The following SREBF2 variants were observed in gnomAD, a reference collection of about 807,000 sequenced individuals.
SREBF2 encodes sterol regulatory element binding transcription factor 2, also known as sterol regulatory element-binding protein 2.
Under a neutral mutation model 113.1 loss-of-function variants are expected in SREBF2, and 55 were observed. The observed-to-expected ratio is 0.49, with a 90% CI of 0.39 to 0.61. SREBF2 has a LOEUF of 0.61. Among genes scored for constraint, SREBF2 ranks in the 20% least tolerant of loss-of-function variants. The pLI, the probability that SREBF2 is intolerant of heterozygous loss-of-function variation, is 0.00. For missense variants in SREBF2, 1,349 were observed against 1,487.4 expected (o/e 0.91, Z 1.53); for synonymous variants, 593 against 605.7 (o/e 0.98, Z 0.31).
intron 13 of SREBF2, among the ~76,000 whole-genome samples, chr22:41,896,098 G>T (rs1212115146): frequency 6.6e-6 from 1 of 150,946 alleles, no homozygotes; most frequent in Non-Finnish European, 1.5e-5. Context: ...CCAAGATTGC[G>T]CCACTGCACT....
At chr22:41,903,712 G>A (rs890639513) in intron 17 of SREBF2, among the ~76,000 whole-genome samples, 3 of 152,200 alleles carry the variant, frequency 2.0e-5, no homozygotes, top group Middle Eastern at 3.4e-3. Flanking sequence ...ATTTGTACCT[G>A]TATTTTTTTC....
At chr22:41,885,644 C>T (rs1244417372) in intron 11 of SREBF2, 1 of 161,274 alleles carries the variant, frequency 6.2e-6, no homozygotes, top group African/African-American at 2.4e-5. Flanking sequence ...AATTCCCGGT[C>T]CTTGTTATCA....
At chr22:41,848,050 G>A (rs1470320535) in intron 1 of SREBF2, among the ~76,000 whole-genome samples, 3 of 151,556 alleles carry the variant, frequency 2.0e-5, no homozygotes, top group Non-Finnish European at 2.9e-5. Context: ...CGAGTAGCTG[G>A]GACTACAGGC....
Position 41,877,385 on chromosome 22 carries a change from T to G in SREBF2, c.1543T>G (p.Ser515Ala). The stretch of plus-strand genomic sequence containing the variant: ...CCACGACTCTGACCAGCACCCACAC[T>G]CAGGCTCTGGCCGCAGTGTCCTGTC... Reference protein sequence around the residue: ...GAHDSDQHPHSGSGRSVLSFE... With the variant: ...GAHDSDQHPHAGSGRSVLSFE... Residue 515 changes from serine (S) to alanine (A), a missense_variant, in exon 8 of 19, where the codon TCA (serine) becomes GCA (alanine). This residue lies in a region of SREBF2 where 699 missense variants were observed against 843.3 expected (regional missense o/e 0.83). Coordinates refer to ENST00000361204, the MANE Select transcript of SREBF2 (RefSeq NM_004599.4). 6.2e-7 allele frequency: 1 copy of G among 1,614,178 alleles called. No individual in the cohort carries two copies. The highest frequency in any genetic ancestry group is 8.5e-7 in the Non-Finnish European group (1 of 1,180,016).
At chr22:41,893,088 T>A in intron 11 of SREBF2, 29 bp from the exon 12 acceptor site, 1 of 1,611,450 alleles carries the variant, frequency 6.2e-7, no homozygotes, top group South Asian at 1.1e-5. Flanking sequence ...GCCACCTTGG[T>A]GTTACCCCTG....
In SREBF2 at chr22:41,905,515, C is replaced by T. The variant is rs1439250635; in HGVS notation, c.3281C>T (p.Ser1094Phe). The T allele has an allele frequency of 6.3e-7, 1 of 1,584,156 alleles. No individual in the cohort carries two copies. The highest frequency in any genetic ancestry group is 8.6e-7 in the Non-Finnish European group (1 of 1,165,664). Reference protein sequence around the residue: ...ILLACRHLPLSFLSSPGQRAV... With the variant: ...ILLACRHLPLFFLSSPGQRAV... ...CTGGCCTGCCGCCACCTGCCCCTCT[C>T]CTTCCTCTCCTCCCCGGGCCAGCGG... Residue 1094 changes from serine to phenylalanine, a missense_variant, in exon 19 of 19, where the codon TCC becomes TTC. Around this residue, in one of 2 missense-constraint regions of SREBF2, gnomAD observed 650 missense variants for 644.1 expected, o/e 1.01. Coordinates refer to ENST00000361204, the MANE Select transcript of SREBF2 (RefSeq NM_004599.4).
At chr22:41,868,937 C>T (rs2077113438) in intron 3 of SREBF2, 145 bp downstream of exon 3, 2 of 1,017,474 alleles carry the variant, frequency 2.0e-6, no homozygotes, top group Non-Finnish European at 2.9e-6. Flanking sequence ...CTGTGAGCAG[C>T]GTATAGTGAC....
chr22:41,867,072 A>G lies in SREBF2; in HGVS notation c.330A>G (p.Pro110=), dbSNP rs199537318. The G allele has an allele frequency of 1.5e-4, 246 of 1,614,068 alleles. No individual in the cohort carries two copies. Among genetic ancestry groups the G allele is most frequent in the Admixed American group, 5.2e-4 (31 of 59,994 alleles). The change falls in exon 2 of 19, where the codon CCA becomes CCG. Residue 110 remains proline (P), a synonymous_variant. Transcript: ENST00000361204. ...FSPSAASPQA[P]TLQVKVSPTS... is the part of the protein sequence containing the mutation. ...CCTCGGCGGCCTCCCCACAGGCTCCAACTCTGCAAGTCAAGGTTTCTCCCA... is the reference window on the plus strand; with the variant it reads ...CCTCGGCGGCCTCCCCACAGGCTCCGACTCTGCAAGTCAAGGTTTCTCCCA...
At chr22:41,897,992 A>G (rs778038839) in intron 14 of SREBF2, among the ~76,000 whole-genome samples, 7 of 152,224 alleles carry the variant, frequency 4.6e-5, no homozygotes, top group Non-Finnish European at 1.0e-4. Flanking sequence ...CTTAGGTTGT[A>G]TCCATCTTTT....
At chr22:41,850,017 G>A (rs555188619) in intron 1 of SREBF2, among the ~76,000 whole-genome samples, 2 of 152,086 alleles carry the variant, frequency 1.3e-5, no homozygotes, top group African/African-American at 2.4e-5. Flanking sequence ...GCACACACCT[G>A]TAGTCCCAGC....
intron 1 of SREBF2, among the ~76,000 whole-genome samples, chr22:41,835,925 C>G (rs1472512603): frequency 6.6e-6 from 1 of 152,244 alleles, no homozygotes; most frequent in Admixed American, 6.5e-5. Flanking sequence ...GTACCCGACC[C>G]TGTCTTAATT....
intron 1 of SREBF2, among the ~76,000 whole-genome samples, chr22:41,840,326 G>A (rs1014711659): frequency 2.6e-5 from 4 of 152,140 alleles, no homozygotes; most frequent in South Asian, 2.1e-4. Flanking sequence ...TTGCAATGTG[G>A]TGGTCAGTTC....
At chr22:41,897,226 C>G in intron 14 of SREBF2, 65 bp downstream of exon 14, 3 of 1,120,608 alleles carry the variant, frequency 2.7e-6, no homozygotes, top group Non-Finnish European at 3.9e-6. Context: ...GTGCTTTTGC[C>G]CCAGGGGTCC....
At chr22:41,857,909 C>T (rs1385886323) in intron 1 of SREBF2, among the ~76,000 whole-genome samples, 3 of 152,164 alleles carry the variant, frequency 2.0e-5, no homozygotes, top group Non-Finnish European at 4.4e-5. Flanking sequence ...AGCCCAGTTC[C>T]TCAGCTGCTC....
intron 1 of SREBF2, among the ~76,000 whole-genome samples, chr22:41,857,800 T>G (rs2076991528): frequency 6.6e-6 from 1 of 152,020 alleles, no homozygotes; most frequent in African/African-American, 2.4e-5. Context: ...TTGAGTGGAG[T>G]GATTTTTAGA....
At chr22:41,877,134 CCT>C (rs1245758747) in intron 7 of SREBF2, 93 bp from the exon 8 acceptor site, 1 of 1,286,746 alleles carries the variant, frequency 7.8e-7, no homozygotes, top group Non-Finnish European at 1.1e-6. Flanking sequence ...TGAATTTAAA[CCT>C]CATAACCATT....
At chr22:41,860,348 GA>G (rs924431197) in intron 1 of SREBF2, among the ~76,000 whole-genome samples, 18 of 146,874 alleles carry the variant, frequency 1.2e-4, no homozygotes, top group South Asian at 4.3e-4. Context: ...TGGGACTTTA[GA>G]AAAAAAAAAG....
intron 10 of SREBF2, 111 bp downstream of exon 10, chr22:41,881,103 C>G: frequency 7.1e-7 from 1 of 1,417,564 alleles, no homozygotes; most frequent in Non-Finnish European, 9.6e-7. Flanking sequence ...TTTAACGCTA[C>G]TCTTTTAGAG....
intron 1 of SREBF2, among the ~76,000 whole-genome samples, chr22:41,835,260 C>G (rs185331159): frequency 7.9e-4 from 118 of 150,108 alleles, no homozygotes; most frequent in East Asian, 2.2e-3. Flanking sequence ...AAATGATCCT[C>G]CTGCCTTGGC....
Sources: allele counts gnomAD v4.1 joint callset (sites outside exome capture counted in the v4.1 genomes callset), GRCh38; gene constraint gnomAD v4.1.1; regional missense constraint gnomAD v4.1.1; transcripts MANE v1.5; gene names NCBI Gene and HGNC (gene_info 2026-07-23, HGNC 2026-07-21).